Variants in LRFN5 observed in about 807,000 individuals in gnomAD.
The protein encoded by LRFN5 is leucine-rich repeat and fibronectin type-III domain-containing protein 5.
A neutral mutation model predicts 45.6 loss-of-function variants in LRFN5; 24 were observed. The ratio of observed to expected loss-of-function variants is 0.53; its 90% CI spans 0.38 to 0.74. LRFN5 has a LOEUF of 0.74. LRFN5 is among the 30% of genes least tolerant of loss of function. The probability of loss-of-function intolerance (pLI) is 0.00; values close to 1 mark genes in which losing one functional copy is unlikely to be tolerated. For synonymous variants in LRFN5, 340 were observed against 313.8 expected (o/e 1.08, Z -0.88); for missense variants, 776 against 861.5 (o/e 0.90, Z 1.24).
At chr14:41,644,934 C>A (rs1050583494) in intron 1 of LRFN5, among the ~76,000 whole-genome samples, 1 of 152,028 alleles carries the variant, frequency 6.6e-6, no homozygotes, top group Non-Finnish European at 1.5e-5. Context: ...AACATGGTTT[C>A]TTTTTTATGG....
intron 2 of LRFN5, among the ~76,000 whole-genome samples, chr14:41,839,096 A>C (rs1264284942): frequency 6.6e-6 from 1 of 152,074 alleles, no homozygotes; most frequent in Non-Finnish European, 1.5e-5. Flanking sequence ...AGTGTATTCT[A>C]CCTACTACTG....
intron 1 of LRFN5, among the ~76,000 whole-genome samples, chr14:41,750,046 T>C (rs1471317274): frequency 2.0e-5 from 3 of 152,018 alleles, no homozygotes; most frequent in Admixed American, 1.3e-4. Context: ...ATTTTCTGTT[T>C]GGCTTATTCA....
chr14:41,612,180 T>C (rs76928162), intron 1 of LRFN5, among the ~76,000 whole-genome samples: 3,279 of 152,248 alleles, frequency 0.022, 107 homozygotes, highest in African/African-American at 0.071. Flanking sequence ...CTGTGATATA[T>C]GGTTGGGATG....
At chr14:41,648,384 A>G (rs576826693) in intron 1 of LRFN5, among the ~76,000 whole-genome samples, 3 of 152,292 alleles carry the variant, frequency 2.0e-5, no homozygotes, top group African/African-American at 7.2e-5. Context: ...TGGTGATAAT[A>G]TAACCATATA....
intron 2 of LRFN5, among the ~76,000 whole-genome samples, chr14:41,885,262 C>T (rs1743078852): frequency 6.7e-6 from 1 of 149,552 alleles, no homozygotes; most frequent in Non-Finnish European, 1.5e-5. Context: ...GAGGTCGAGA[C>T]TGCAGTGAGC....
intron 2 of LRFN5, among the ~76,000 whole-genome samples, chr14:41,812,497 C>T (rs1299640564): frequency 6.6e-6 from 1 of 151,654 alleles, no homozygotes; most frequent in Non-Finnish European, 1.5e-5. Context: ...TCTTAGTATA[C>T]TTGGGCAACG....
Position 41,608,576 on chromosome 14 carries a change from G to C in LRFN5, c.-197+14G>C, listed in dbSNP as rs1255550434. 1 of 152,664 alleles carries C rather than the reference G, an allele frequency of 6.6e-6. No homozygotes were observed. Among genetic ancestry groups the C allele is most frequent in the Non-Finnish European group, 1.5e-5 (1 of 68,062 alleles). The allele number at this position is 152,664 out of a possible 1,614,324, so 9.5% of individuals were successfully genotyped here. A position where few individuals can be genotyped will look rare whatever the true frequency, so the allele number is the denominator to read the frequency against. ...TAGAGGCACCAGGTAACAAACCAAC[G>C]ATTACTCGCCTCACCCAATTTCCTT... On this transcript the variant is annotated intron_variant, in intron 1 of 5. Transcript: ENST00000298119.
chr14:41,869,301 T>G (rs1889939167), intron 2 of LRFN5, among the ~76,000 whole-genome samples: 1 of 152,102 alleles, frequency 6.6e-6, no homozygotes, highest in Non-Finnish European at 1.5e-5. Flanking sequence ...TGTTAGGAAG[T>G]CCCTATTTTC....
At chr14:41,694,620 T>G (rs758331244) in intron 1 of LRFN5, among the ~76,000 whole-genome samples, 2 of 152,116 alleles carry the variant, frequency 1.3e-5, no homozygotes, top group South Asian at 2.1e-4. Flanking sequence ...TTCTTTTTTA[T>G]AAATTGAAGG....
At chr14:41,813,499 C>T (rs1887808981) in intron 2 of LRFN5, among the ~76,000 whole-genome samples, 1 of 152,158 alleles carries the variant, frequency 6.6e-6, no homozygotes, top group Non-Finnish European at 1.5e-5. Context: ...CCAGCTTCAT[C>T]CATGTCCCTA....
At chr14:41,769,812 C>CT (rs1886015262) in intron 2 of LRFN5, among the ~76,000 whole-genome samples, 1 of 152,014 alleles carries the variant, frequency 6.6e-6, no homozygotes, top group African/African-American at 2.4e-5. Context: ...TTGTAGTATT[C>CT]TTTACTAAAC....
chr14:41,850,889 G>GA (rs993256294), intron 2 of LRFN5, among the ~76,000 whole-genome samples: 21 of 149,850 alleles, frequency 1.4e-4, no homozygotes, highest in Admixed American at 3.3e-4. Context: ...TAGTATTTCA[G>GA]AAAAAAAAAT....
intron 2 of LRFN5, among the ~76,000 whole-genome samples, chr14:41,828,149 C>G (rs943869066): frequency 1.2e-4 from 19 of 152,048 alleles, no homozygotes; most frequent in African/African-American, 4.3e-4. Context: ...GTCAGTAGAA[C>G]AGACTGTACG....
At chr14:41,856,857 T>C (rs1195663440) in intron 2 of LRFN5, among the ~76,000 whole-genome samples, 1 of 147,368 alleles carries the variant, frequency 6.8e-6, no homozygotes, top group Non-Finnish European at 1.5e-5. Context: ...TTTGTATTTT[T>C]AGTAGAGACG....
chr14:41,870,765 T>C (rs1275956326), intron 2 of LRFN5, among the ~76,000 whole-genome samples: 1 of 152,202 alleles, frequency 6.6e-6, no homozygotes, highest in African/African-American at 2.4e-5. Flanking sequence ...CATTTAATAT[T>C]GATTAGAAGT....
chr14:41,820,910 A>G (rs916275940), intron 2 of LRFN5, among the ~76,000 whole-genome samples: 5 of 151,920 alleles, frequency 3.3e-5, no homozygotes, highest in South Asian at 2.1e-4. Context: ...TTTAGTTCTC[A>G]GTTTGATTGT....
chr14:41,629,365 G>C (rs561547233), intron 1 of LRFN5, among the ~76,000 whole-genome samples: 1 of 152,284 alleles, frequency 6.6e-6, no homozygotes, highest in East Asian at 1.9e-4. Context: ...TGTCCATGTA[G>C]CTTTATGGCC....
intron 1 of LRFN5, among the ~76,000 whole-genome samples, chr14:41,647,646 G>A (rs1301284734): frequency 1.3e-5 from 2 of 152,150 alleles, no homozygotes; most frequent in East Asian, 1.9e-4. Flanking sequence ...TGAAGGATAT[G>A]GCTCATCAGG....
At position 41,752,324 on chromosome 14, in the gene LRFN5, C is replaced by T. The variant is rs574637230; in HGVS notation, c.-196-14530C>T. Among the ~76,000 whole-genome samples, 171 of 152,174 alleles carry T rather than the reference C, an allele frequency of 1.1e-3. 1 individual carries two copies. The highest frequency in any genetic ancestry group is 1.9e-3 in the Non-Finnish European group (132 of 68,008). ...CAAATGGTATTTCTAGTTCTAGATCCCTGAGGAATCGCCACACTGACTTCC... is the reference window on the plus strand; with the variant it reads ...CAAATGGTATTTCTAGTTCTAGATCTCTGAGGAATCGCCACACTGACTTCC... On this transcript the variant is annotated intron_variant, in intron 1 of 5. Coordinates refer to ENST00000298119, the MANE Select transcript of LRFN5 (RefSeq NM_152447.5).
Sources: allele counts gnomAD v4.1 joint callset (sites outside exome capture counted in the v4.1 genomes callset), GRCh38; gene constraint gnomAD v4.1.1; transcripts MANE v1.5; gene names NCBI Gene and HGNC (gene_info 2026-07-23, HGNC 2026-07-21).